Variants in KCNH5 observed in about 807,000 individuals in gnomAD.
The protein encoded by KCNH5 is voltage-gated delayed rectifier potassium channel KCNH5.
KCNH5 carries 46 observed loss-of-function variants against 96.1 expected under a neutral mutation model. That is an observed-to-expected ratio of 0.48 (90% confidence interval 0.38 to 0.61). KCNH5 has a LOEUF of 0.61. KCNH5 is among the 20% of genes least tolerant of loss of function. KCNH5 has a pLI of 0.00. For synonymous variants in KCNH5, 439 were observed against 449.8 expected (o/e 0.98, Z 0.30); for missense variants, 907 against 1,225.8 (o/e 0.74, Z 3.88).
rs79923196 is a variant in KCNH5, at chr14:62,711,435, G to A, written c.2020-2980C>T. ...AAGTAACTGGGAAAGAGAAAGAATC[G>A]AGCTCTGGTACATTAGATGACAGAA... On this transcript the variant is annotated intron_variant, in intron 10 of 10. Transcript: ENST00000322893. Among the ~76,000 whole-genome samples the A allele has an allele frequency of 7.0e-3, 1,064 of 152,226 alleles. 27 individuals are homozygous for A. In the East Asian group the frequency reaches 0.083, roughly 12 times the overall value.
intron 8 of KCNH5, among the ~76,000 whole-genome samples, chr14:62,820,668 T>A (rs1232383377): frequency 6.6e-6 from 1 of 152,172 alleles, no homozygotes. Context: ...AACGACATGA[T>A]CTCATTCTTT....
At chr14:63,042,356 A>G (rs1891840915) in intron 1 of KCNH5, among the ~76,000 whole-genome samples, 1 of 151,840 alleles carries the variant, frequency 6.6e-6, no homozygotes, top group Non-Finnish European at 1.5e-5. Flanking sequence ...CTGAGTGTTT[A>G]CCTATGTGAC....
At chr14:62,954,024 T>C (rs1012629981) in intron 6 of KCNH5, among the ~76,000 whole-genome samples, 1 of 152,240 alleles carries the variant, frequency 6.6e-6, no homozygotes, top group African/African-American at 2.4e-5. Flanking sequence ...CCTACCTACC[T>C]GCTCAGCATC....
At chr14:62,947,121 A>G (rs1211466118) in intron 7 of KCNH5, among the ~76,000 whole-genome samples, 1 of 152,164 alleles carries the variant, frequency 6.6e-6, no homozygotes, top group East Asian at 1.9e-4. Flanking sequence ...AACTAGGTGA[A>G]GGTAACAAAG....
At chr14:62,960,202 T>C (rs972751162) in intron 6 of KCNH5, among the ~76,000 whole-genome samples, 1 of 152,180 alleles carries the variant, frequency 6.6e-6, no homozygotes, top group Non-Finnish European at 1.5e-5. Context: ...GCTCTATCCA[T>C]ACTTTAAATT....
chr14:62,752,861 G>C (rs1240995431), intron 10 of KCNH5, among the ~76,000 whole-genome samples: 1 of 152,116 alleles, frequency 6.6e-6, no homozygotes, highest in Non-Finnish European at 1.5e-5. Context: ...CACCATGATT[G>C]TAAGTTTCCT....
intron 8 of KCNH5, among the ~76,000 whole-genome samples, chr14:62,835,348 A>G (rs569072792): frequency 3.5e-4 from 54 of 152,156 alleles, no homozygotes; most frequent in African/African-American, 1.2e-3. Context: ...GAAGAGTTAT[A>G]TTTGGTGTAT....
At chr14:62,806,731 C>A (rs4441171) in intron 8 of KCNH5, among the ~76,000 whole-genome samples, 87,312 of 151,842 alleles carry the variant, frequency 0.58, 25,512 homozygotes, top group South Asian at 0.82. Context: ...ACATTGGGTT[C>A]GAGGCCCAAC....
chr14:63,025,622 A>C (rs1163271352), intron 1 of KCNH5, among the ~76,000 whole-genome samples: 1 of 151,450 alleles, frequency 6.6e-6, no homozygotes, highest in African/African-American at 2.4e-5. Flanking sequence ...AATAGTAACA[A>C]AAAAAAAAAC....
chr14:62,837,434 C>A (rs1183059426), intron 8 of KCNH5, among the ~76,000 whole-genome samples: 4 of 152,168 alleles, frequency 2.6e-5, no homozygotes, highest in Non-Finnish European at 4.4e-5. Flanking sequence ...TTTGTGAATT[C>A]TTGGTTAAAC....
chr14:62,842,676 C>A (rs1887609816), intron 8 of KCNH5, among the ~76,000 whole-genome samples: 2 of 152,180 alleles, frequency 1.3e-5, no homozygotes, highest in Non-Finnish European at 2.9e-5. Context: ...ACAGTTGTCC[C>A]ATACTGGCCT....
At chr14:62,849,096 A>G (rs888604049) in intron 8 of KCNH5, among the ~76,000 whole-genome samples, 2 of 152,232 alleles carry the variant, frequency 1.3e-5, no homozygotes, top group African/African-American at 4.8e-5. Context: ...AAGAGATTAG[A>G]GATACCAGAT....
intron 6 of KCNH5, among the ~76,000 whole-genome samples, chr14:62,979,070 T>TA (rs1890557230): frequency 6.6e-6 from 1 of 152,196 alleles, no homozygotes; most frequent in Non-Finnish European, 1.5e-5. Context: ...CACCCCTTGG[T>TA]AACCATTATT....
chr14:62,821,193 A>T (rs1255252301), intron 8 of KCNH5, among the ~76,000 whole-genome samples: 1 of 151,934 alleles, frequency 6.6e-6, no homozygotes, highest in Non-Finnish European at 1.5e-5. Flanking sequence ...TGCAGCCAAC[A>T]ATCATATGGG....
chr14:62,928,533 G>A (rs905459215), intron 7 of KCNH5, among the ~76,000 whole-genome samples: 3 of 151,996 alleles, frequency 2.0e-5, no homozygotes, highest in African/African-American at 7.2e-5. Context: ...TATAAGATAC[G>A]TAATAATATT....
At chr14:62,819,750 G>C (rs1248187158) in intron 8 of KCNH5, among the ~76,000 whole-genome samples, 2 of 152,048 alleles carry the variant, frequency 1.3e-5, no homozygotes, top group Admixed American at 1.3e-4. Flanking sequence ...GCAGTTACAT[G>C]GTATATACAT....
intron 7 of KCNH5, among the ~76,000 whole-genome samples, chr14:62,855,332 C>A (rs1887907042): frequency 6.6e-6 from 1 of 152,060 alleles, no homozygotes; most frequent in Non-Finnish European, 1.5e-5. Context: ...AGAAATAAAA[C>A]AAAATGTTCC....
chr14:63,016,374 T>C (rs1350130823), intron 2 of KCNH5, among the ~76,000 whole-genome samples: 1 of 152,108 alleles, frequency 6.6e-6, no homozygotes, highest in Non-Finnish European at 1.5e-5. Context: ...CAAGTACATG[T>C]GGCTTACACA....
chr14:62,800,630 G>A (rs905800868), intron 9 of KCNH5, among the ~76,000 whole-genome samples: 4 of 151,960 alleles, frequency 2.6e-5, no homozygotes, highest in African/African-American at 7.3e-5. Flanking sequence ...TCCTACCCAC[G>A]TTTGATGTGG....
Sources: gnomAD v4.1 joint callset for allele counts (sites outside exome capture counted in the v4.1 genomes callset) on GRCh38, gnomAD v4.1.1 for gene constraint, MANE v1.5 for transcripts, NCBI Gene and HGNC (gene_info 2026-07-23, HGNC 2026-07-21) for gene names.